Variants in CRISPLD1 observed in about 807,000 individuals in gnomAD.
CRISPLD1 encodes cysteine-rich secretory protein LCCL domain-containing 1.
CRISPLD1 carries 60 observed loss-of-function variants against 77.5 expected under a neutral mutation model. That is an observed-to-expected ratio of 0.77 (90% CI 0.63 to 0.96). The LOEUF is 0.96. Ranked by LOEUF, CRISPLD1 falls within the 40% of genes least tolerant of loss-of-function variation. The pLI is 0.00. For synonymous variants in CRISPLD1, 195 were observed against 200.1 expected, an observed-to-expected ratio of 0.97 and a Z score of 0.22; for missense variants, 623 against 615.8, an observed-to-expected ratio of 1.01 and a Z score of -0.12.
chr8:74,988,864 GC>G (rs1308866770), intron 2 of CRISPLD1, among the ~76,000 whole-genome samples: 2 of 152,094 alleles, frequency 1.3e-5, no homozygotes, highest in Non-Finnish European at 2.9e-5. Flanking sequence ...AGTCTGGAAA[GC>G]CTTATTTTCT....
intron 2 of CRISPLD1, among the ~76,000 whole-genome samples, chr8:75,009,327 G>GAA (rs1305059877): frequency 6.8e-6 from 1 of 146,160 alleles, no homozygotes; most frequent in African/African-American, 2.5e-5. Context: ...GTCTTAACAG[G>GAA]AAAAAAAAAG....
At chr8:74,986,409 T>C (rs555617015) in intron 2 of CRISPLD1, among the ~76,000 whole-genome samples, 164 bp downstream of exon 2, 1 of 152,362 alleles carries the variant, frequency 6.6e-6, no homozygotes, top group South Asian at 2.1e-4. Context: ...GTTCCTTTTG[T>C]TTCTAAGAGC....
At chr8:75,026,536 CTGAG>C (rs1813239144) in intron 13 of CRISPLD1, 1 of 152,208 alleles carries the variant, frequency 6.6e-6, no homozygotes, top group South Asian at 2.1e-4. Flanking sequence ...CCAAGTTAGT[CTGAG>C]AGAGAGAGGA....
intron 5 of CRISPLD1, 70 bp downstream of exon 5, chr8:75,014,172 G>T: frequency 3.1e-6 from 3 of 955,948 alleles, no homozygotes; most frequent in Non-Finnish European, 5.1e-6. Context: ...TTACGTTCCT[G>T]ATTGTTCCCC....
At chr8:74,988,051 T>C (rs796911617) in intron 2 of CRISPLD1, among the ~76,000 whole-genome samples, 3 of 152,342 alleles carry the variant, frequency 2.0e-5, no homozygotes, top group African/African-American at 7.2e-5. Context: ...GTGTTGCCCT[T>C]AGATACTATT....
At chr8:75,029,318 T>C (rs1340031570) in intron 13 of CRISPLD1, 69 bp from the exon 14 acceptor site, 3 of 1,498,498 alleles carry the variant, frequency 2.0e-6, no homozygotes, top group East Asian at 2.3e-5. Context: ...CTATTAATAA[T>C]AGAAGAATAG....
At position 75,033,405 on chromosome 8, in the gene CRISPLD1, A is replaced by G. The variant is rs1047589484; in HGVS notation, c.*1163A>G. On this transcript the variant is annotated 3_prime_UTR_variant, in exon 15 of 15. Coordinates refer to ENST00000262207, the MANE Select transcript of CRISPLD1 (RefSeq NM_031461.6). The stretch of plus-strand genomic sequence containing the variant: ...CTTCTAAACTTGGTTTATTGACGTT[A>G]GTATAAATAACATACAATACCAGAT... 1 of 152,036 alleles carries G rather than the reference A, an allele frequency of 6.6e-6. No individual in the cohort carries two copies. The highest frequency in any genetic ancestry group is 2.4e-5 in the African/African-American group (1 of 41,440). 9.4% of individuals were successfully genotyped at this position (152,036 alleles called of 1,614,324 possible).
At chr8:75,010,215 C>G (rs1812904790) in intron 2 of CRISPLD1, among the ~76,000 whole-genome samples, 1 of 151,950 alleles carries the variant, frequency 6.6e-6, no homozygotes, top group Non-Finnish European at 1.5e-5. Context: ...GTGATTTGAT[C>G]CATATTTCAG....
At chr8:75,016,736 T>G in intron 7 of CRISPLD1, 31 bp downstream of exon 7, 1 of 1,588,216 alleles carries the variant, frequency 6.3e-7, no homozygotes. Context: ...ATAAAAATTT[T>G]CAAAGTACAT....
chr8:75,001,705 T>C (rs1812744937), intron 2 of CRISPLD1, among the ~76,000 whole-genome samples: 1 of 152,064 alleles, frequency 6.6e-6, no homozygotes, highest in African/African-American at 2.4e-5. Flanking sequence ...AGTCACAATC[T>C]GTGTGAATTG....
rs10714892 is a variant in CRISPLD1, at chr8:75,032,174, A to AT, written c.1452-5dup. On this transcript the variant is annotated splice_polypyrimidine_tract_variant and intron_variant, in intron 14 of 14. Transcript: ENST00000262207. ...GATGACATCAATATACTTTTCATAT[A>AT]TTTTTTTTTTTTGCAGTTTACAGAA... is the stretch of plus-strand genomic sequence containing the variant. The AT allele has an allele frequency of 0.028, 34,875 of 1,239,386 alleles. No individual in the cohort carries two copies. Among genetic ancestry groups the AT allele is most frequent in the South Asian group, 0.037 (2,550 of 68,230 alleles). The allele number at this position is 1,239,386 out of a possible 1,614,324, so 76.8% of individuals were successfully genotyped here. A position where few individuals can be genotyped will look rare whatever the true frequency, so the allele number is the denominator to read the frequency against.
intron 2 of CRISPLD1, among the ~76,000 whole-genome samples, chr8:74,989,507 A>T (rs774261967): frequency 1.3e-5 from 2 of 151,670 alleles, no homozygotes; most frequent in Non-Finnish European, 2.9e-5. Flanking sequence ...AAATGAAAGA[A>T]TATAAACCTT....
chr8:75,017,417 T>A lies in CRISPLD1; in HGVS notation c.1094T>A (p.Ile365Asn). ...AGACAAGGAAGAAAGCATTATTTCA[T>A]CAAGTCCAATAGAAATGGTATTCAA... ...ITRQGRKHYF[I>N]KSNRNGIQTI... The change falls in exon 10 of 15, where the codon ATC becomes AAC. Residue 365 changes from isoleucine to asparagine, a missense_variant. Coordinates refer to ENST00000262207, the MANE Select transcript of CRISPLD1 (RefSeq NM_031461.6). The A allele has an allele frequency of 6.2e-7, 1 of 1,610,350 alleles. No homozygotes were observed. Among genetic ancestry groups the A allele is most frequent in the Non-Finnish European group, 8.5e-7 (1 of 1,178,462 alleles).
intron 13 of CRISPLD1, among the ~76,000 whole-genome samples, chr8:75,027,635 A>T (rs1368578283): frequency 6.6e-6 from 1 of 152,186 alleles, no homozygotes; most frequent in African/African-American, 2.4e-5. Flanking sequence ...ATTACTGTCA[A>T]ATAGCAAGTA....
intron 1 of CRISPLD1, 104 bp from the exon 2 acceptor site, chr8:74,985,822 A>G: frequency 3.9e-6 from 3 of 766,106 alleles, no homozygotes; most frequent in Non-Finnish European, 6.3e-6. Context: ...TAAATAGACA[A>G]ATCAAACTGG....
Position 75,014,019 on chromosome 8 carries a change from T to A in CRISPLD1, c.543T>A (p.Cys181Ter). Reference protein sequence around the residue: ...VVWATSNRIGCAINLCHNMNI... With the variant: ...VVWATSNRIG ...GGGCAACTAGTAACAGAATCGGTTG[T>A]GCCATTAATTTGTGTCATAACATGA... Residue 181 changes from cysteine (C) to a stop codon, truncating the protein, a stop_gained, in exon 5 of 15, where the codon TGT becomes TGA. Coordinates refer to ENST00000262207, the MANE Select transcript of CRISPLD1 (RefSeq NM_031461.6). LOFTEE classifies it high-confidence loss of function. 6.2e-7 allele frequency: 1 copy of A among 1,613,210 alleles called. No individual in the cohort carries two copies. Among genetic ancestry groups the A allele is most frequent in the Non-Finnish European group, 8.5e-7 (1 of 1,179,418 alleles).
chr8:75,004,961 G>T (rs76670288), intron 2 of CRISPLD1, among the ~76,000 whole-genome samples: 11,294 of 152,016 alleles, frequency 0.074, 457 homozygotes, highest in South Asian at 0.091. Flanking sequence ...TCAACTAAAT[G>T]GAAAGTTTTA....
In CRISPLD1 at chr8:75,033,249, TATTAA is replaced by T. The variant is rs1263772886; in HGVS notation, c.*1011_*1015del. 1 of 152,414 alleles carries T rather than the reference TATTAA, an allele frequency of 6.6e-6. No individual in the cohort carries two copies. The highest frequency in any genetic ancestry group is 1.5e-5 in the Non-Finnish European group (1 of 67,880). The allele number at this position is 152,414 out of a possible 1,614,324, so 9.4% of individuals were successfully genotyped here. A position where few individuals can be genotyped will look rare whatever the true frequency, so the allele number is the denominator to read the frequency against. ...TTTTTTTTCTGCTGGTGGATTTACATATTAAATTTTTTCTGCTGGTGGATAAACAT... is the reference window on the plus strand; with the variant it reads ...TTTTTTTTCTGCTGGTGGATTTACATATTTTTTCTGCTGGTGGATAAACAT... On this transcript the variant is annotated 3_prime_UTR_variant, in exon 15 of 15. Coordinates refer to ENST00000262207, the MANE Select transcript of CRISPLD1 (RefSeq NM_031461.6).
At chr8:75,020,329 T>C (rs968467587) in intron 12 of CRISPLD1, among the ~76,000 whole-genome samples, 1 of 152,166 alleles carries the variant, frequency 6.6e-6, no homozygotes, top group Non-Finnish European at 1.5e-5. Flanking sequence ...ATACAAAGAG[T>C]GCCTTATTAG....
Sources: gnomAD v4.1 joint callset for allele counts (sites outside exome capture counted in the v4.1 genomes callset) on GRCh38, gnomAD v4.1.1 for gene constraint, MANE v1.5 for transcripts, NCBI Gene and HGNC (gene_info 2026-07-23, HGNC 2026-07-21) for gene names.